JAK2: variants seen among roughly 807,000 people sequenced by gnomAD.
JAK2 encodes tyrosine-protein kinase JAK2.
A neutral mutation model predicts 139.3 loss-of-function variants in JAK2; 86 were observed. The ratio of observed to expected loss-of-function variants is 0.62; its 90% confidence interval spans 0.52 to 0.74. The LOEUF (loss-of-function observed/expected upper bound fraction) is 0.74. JAK2 is among the 30% of genes least tolerant of loss of function. The pLI is 0.00. For synonymous variants in JAK2, 490 were observed against 437.7 expected, an observed-to-expected ratio of 1.12 and a Z score of -1.49; for missense variants, 1,421 against 1,360.3, an observed-to-expected ratio of 1.04 and a Z score of -0.70.
In JAK2 at chr9:5,055,739, C is replaced by T. The variant is rs1817718202; in HGVS notation, c.1007C>T (p.Ser336Leu). ...ATTAAGCAAGCAAACCAAGAGGGTT[C>T]AAATGAAAGCCGAGTTGTAACTATC... Reference protein sequence around the residue: ...VSIKQANQEGSNESRVVTIHK... With the variant: ...VSIKQANQEGLNESRVVTIHK... The change falls in exon 8 of 25, where the codon TCA (serine) becomes TTA (leucine). Residue 336 changes from serine (S) to leucine (L), a missense_variant. Physicochemically the swap from Ser to Leu is moderately radical, Grantham distance 145. Coordinates refer to ENST00000381652, the MANE Select transcript of JAK2 (RefSeq NM_004972.4). 2 of 1,610,108 alleles carry T rather than the reference C, an allele frequency of 1.2e-6. No homozygotes were observed. The highest frequency in any genetic ancestry group is 2.7e-5 in the African/African-American group (2 of 74,772).
At chr9:5,084,005 T>C (rs1819898232) in intron 19 of JAK2, among the ~76,000 whole-genome samples, 1 of 152,146 alleles carries the variant, frequency 6.6e-6, no homozygotes, top group African/African-American at 2.4e-5. Context: ...GAATATACCA[T>C]AATTTATTTA....
At chr9:5,031,034 G>A (rs1823113281) in intron 4 of JAK2, among the ~76,000 whole-genome samples, 1 of 152,014 alleles carries the variant, frequency 6.6e-6, no homozygotes, top group African/African-American at 2.4e-5. Flanking sequence ...GTCTTAATAA[G>A]AAAAAACAGA....
chr9:5,040,561 A>C (rs1380834219), intron 4 of JAK2, among the ~76,000 whole-genome samples: 1 of 152,262 alleles, frequency 6.6e-6, no homozygotes, highest in Non-Finnish European at 1.5e-5. Context: ...TTTGGGAATC[A>C]TATATCTGAT....
At chr9:5,053,872 T>C (rs1365179767) in intron 6 of JAK2, among the ~76,000 whole-genome samples, 1 of 151,870 alleles carries the variant, frequency 6.6e-6, no homozygotes, top group Non-Finnish European at 1.5e-5. Context: ...AGATAGGAGA[T>C]GGATGATTGG....
At chr9:5,078,988 ACTGAATTTTG>A (rs1819494545) in intron 16 of JAK2, among the ~76,000 whole-genome samples, 1 of 152,212 alleles carries the variant, frequency 6.6e-6, no homozygotes, top group South Asian at 2.1e-4. Flanking sequence ...GATAATTATA[ACTGAATTTTG>A]TTATCTTAGA....
chr9:5,069,713 G>A (rs1818816312), intron 11 of JAK2, among the ~76,000 whole-genome samples: 1 of 152,022 alleles, frequency 6.6e-6, no homozygotes, highest in African/African-American at 2.4e-5. Flanking sequence ...AGTTAAGGAA[G>A]TGATTATAAT....
chr9:5,010,133 G>A (rs1350128955), intron 2 of JAK2, among the ~76,000 whole-genome samples: 2 of 152,056 alleles, frequency 1.3e-5, no homozygotes, highest in African/African-American at 4.8e-5. Flanking sequence ...ATCTACTTTT[G>A]ATCTTCCTGG....
chr9:5,075,152 G>A (rs1418365962), intron 14 of JAK2, among the ~76,000 whole-genome samples: 3 of 152,038 alleles, frequency 2.0e-5, no homozygotes, highest in Non-Finnish European at 2.9e-5. Context: ...AGCAGAGGTT[G>A]GTTCATGAGG....
intron 2 of JAK2, among the ~76,000 whole-genome samples, chr9:5,002,163 AT>A (rs1317813021): frequency 6.6e-6 from 1 of 151,682 alleles, no homozygotes; most frequent in Non-Finnish European, 1.5e-5. Flanking sequence ...ATTGTTTTAT[AT>A]ATTATTAATT....
intron 23 of JAK2, among the ~76,000 whole-genome samples, chr9:5,125,224 A>C (rs1206459862): frequency 6.6e-6 from 1 of 151,038 alleles, no homozygotes; most frequent in Non-Finnish European, 1.5e-5. Flanking sequence ...AAGTATATAA[A>C]ACTTTTATAA....
chr9:4,984,742 C>G (rs960031511), upstream of JAK2: 1 of 152,362 alleles, frequency 6.6e-6, no homozygotes, highest in Non-Finnish European at 1.5e-5. Context: ...CCAGTGCAGG[C>G]TGCGCGCTGG....
chr9:4,996,961 A>G (rs1363552971), intron 2 of JAK2, among the ~76,000 whole-genome samples: 1 of 119,090 alleles, frequency 8.4e-6, no homozygotes, highest in Non-Finnish European at 1.6e-5. Context: ...AGATGGTTTC[A>G]CTGTCACTCA....
At chr9:5,066,449 C>A (rs374989817) in intron 9 of JAK2, among the ~76,000 whole-genome samples, 1 of 151,934 alleles carries the variant, frequency 6.6e-6, no homozygotes, top group Non-Finnish European at 1.5e-5. Flanking sequence ...TTATAAATAC[C>A]TTTTATTGGT....
intron 8 of JAK2, among the ~76,000 whole-genome samples, chr9:5,063,481 A>G (rs913528329): frequency 6.6e-6 from 1 of 152,134 alleles, no homozygotes; most frequent in Non-Finnish European, 1.5e-5. Context: ...TTATCCTGGT[A>G]ACTATGTTTT....
intron 22 of JAK2, chr9:5,113,965 G>C (rs1293260001): frequency 3.7e-6 from 1 of 271,576 alleles, no homozygotes; most frequent in East Asian, 1.1e-4. Context: ...GTACACCCAG[G>C]TGCCATCAGC....
At chr9:5,014,943 G>T (rs76245407) in intron 2 of JAK2, among the ~76,000 whole-genome samples, 429 of 151,480 alleles carry the variant, frequency 2.8e-3, no homozygotes, top group African/African-American at 9.9e-3. Context: ...TTGCGGGGGC[G>T]GGGGGAGATT....
At chr9:5,046,186 A>G (rs374684028) in intron 5 of JAK2, among the ~76,000 whole-genome samples, 44 of 152,196 alleles carry the variant, frequency 2.9e-4, no homozygotes, top group African/African-American at 9.9e-4. Flanking sequence ...CTTTGCAGAG[A>G]TGTTGCTTGT....
In JAK2 at chr9:5,062,500, TAAAAAAAAAAAA is replaced by T. The variant is rs58424625; in HGVS notation, c.1057-2363_1057-2352del. Among the ~76,000 whole-genome samples, 576 of 58,252 alleles carry T rather than the reference TAAAAAAAAAAAA, an allele frequency of 9.9e-3. 17 individuals are homozygous for T. Among genetic ancestry groups the T allele is most frequent in the African/African-American group, 0.057 (550 of 9,604 alleles). 38.2% of individuals were successfully genotyped at this position (58,252 alleles called of 152,430 possible). ...AAGTTTGTCAGAAACCTTCCATTTG[TAAAAAAAAAAAA>T]AAAAAAAAAAAAAAAAAAAGGTCAT... is the stretch of plus-strand genomic sequence containing the variant. On this transcript the variant is annotated intron_variant, in intron 8 of 24. Coordinates refer to ENST00000381652, the MANE Select transcript of JAK2 (RefSeq NM_004972.4).
At chr9:5,089,930 G>GTAC (rs1422748702) in intron 20 of JAK2, 67 bp downstream of exon 20, 15 of 1,111,496 alleles carry the variant, frequency 1.3e-5, no homozygotes, top group Non-Finnish European at 1.4e-5. Context: ...TAATATAAAT[G>GTAC]TACAATGTCT....
Sources: gnomAD v4.1 joint callset for allele counts (sites outside exome capture counted in the v4.1 genomes callset) on GRCh38, gnomAD v4.1.1 for gene constraint, MANE v1.5 for transcripts, NCBI Gene and HGNC (gene_info 2026-07-23, HGNC 2026-07-21) for gene names.